SLC29A3: variants seen among roughly 807,000 people sequenced by gnomAD.
SLC29A3 encodes the protein equilibrative nucleoside transporter 3.
A neutral mutation model predicts 25.4 loss-of-function variants in SLC29A3; 18 were observed. The observed-to-expected ratio is 0.71, with a 90% CI of 0.49 to 1.05. The LOEUF (loss-of-function observed/expected upper bound fraction) is 1.05. SLC29A3 is among the 50% of genes least tolerant of loss of function. The pLI is 0.00. For synonymous variants in SLC29A3, 258 were observed against 267.1 expected (o/e 0.97, Z 0.33); for missense variants, 586 against 609.0 (o/e 0.96, Z 0.40).
chr10:71,337,523 C>T (rs539846614), intron 2 of SLC29A3, among the ~76,000 whole-genome samples: 92 of 152,372 alleles, frequency 6.0e-4, no homozygotes, highest in Admixed American at 1.1e-3. Flanking sequence ...CGCTTTTCCT[C>T]GCCCGCCCGG....
chr10:71,378,937 C>T (rs892357393), intron 4 of SLC29A3, among the ~76,000 whole-genome samples: 1 of 152,330 alleles, frequency 6.6e-6, no homozygotes, highest in African/African-American at 2.4e-5. Flanking sequence ...TCTAGAGAAA[C>T]ACCACCTTAG....
In SLC29A3 at chr10:71,362,032, T is replaced by G. The variant is rs374334663; in HGVS notation, c.852T>G (p.Pro284=). The G allele has an allele frequency of 1.2e-6, 2 of 1,614,042 alleles. No homozygotes were observed. Among genetic ancestry groups the G allele is most frequent in the African/African-American group, 1.3e-5 (1 of 74,900 alleles). Residue 284 remains proline (P), a synonymous_variant, in exon 6 of 6, where the codon CCT becomes CCG. Coordinates refer to ENST00000373189, the MANE Select transcript of SLC29A3 (RefSeq NM_018344.6). ...EELPQDSLSA[P]SVASRFIDSH... ...TTCCCCAGGACTCCCTCAGTGCCCC[T>G]TCGGTGGCCTCCAGATTCATTGATT... is the stretch of plus-strand genomic sequence containing the variant.
At chr10:71,361,881 G>C in intron 5 of SLC29A3, 73 bp from the exon 6 acceptor site, 3 of 1,582,218 alleles carry the variant, frequency 1.9e-6, no homozygotes, top group Non-Finnish European at 1.7e-6. Context: ...TCTGTTCTGA[G>C]TGCCCACCCC....
At chr10:71,358,355 C>T (rs531438576) in intron 5 of SLC29A3, among the ~76,000 whole-genome samples, 45 of 152,312 alleles carry the variant, frequency 3.0e-4, no homozygotes, top group Admixed American at 1.7e-3. Flanking sequence ...GATTCTTCAC[C>T]GCTTCAGCAG....
chr10:71,361,806 C>T, intron 5 of SLC29A3, 148 bp from the exon 6 acceptor site: 1 of 916,194 alleles, frequency 1.1e-6, no homozygotes, highest in Non-Finnish European at 1.7e-6. Context: ...CAGCATCTGT[C>T]ATCTCAGGGA....
chr10:71,333,578 C>A (rs187993067), intron 2 of SLC29A3, among the ~76,000 whole-genome samples: 1 of 152,392 alleles, frequency 6.6e-6, no homozygotes, highest in East Asian at 1.9e-4. Context: ...CTCCTCATTA[C>A]CACCAGGCCA....
chr10:71,331,836 G>T (rs944834935), intron 2 of SLC29A3, among the ~76,000 whole-genome samples: 2 of 152,216 alleles, frequency 1.3e-5, no homozygotes, highest in Admixed American at 1.3e-4. Flanking sequence ...TAATAAGAAG[G>T]GGGGTGGCAG....
chr10:71,335,868 A>G (rs1846236915), intron 2 of SLC29A3, among the ~76,000 whole-genome samples: 1 of 152,016 alleles, frequency 6.6e-6, no homozygotes, highest in African/African-American at 2.4e-5. Flanking sequence ...CCCCACCCTT[A>G]CAAAAGGAGG....
intron 2 of SLC29A3, 86 bp downstream of exon 2, chr10:71,323,140 A>C (rs1453774993): frequency 6.5e-7 from 1 of 1,536,734 alleles, no homozygotes; most frequent in Admixed American, 1.7e-5. Flanking sequence ...GATTTCAGAC[A>C]CATTTCCAGC....
chr10:71,337,303 C>T (rs1243986279), intron 2 of SLC29A3, among the ~76,000 whole-genome samples: 1 of 152,230 alleles, frequency 6.6e-6, no homozygotes, highest in Admixed American at 6.5e-5. Context: ...CTCTGCTCAC[C>T]TCATTTTGCT....
intron 2 of SLC29A3, among the ~76,000 whole-genome samples, chr10:71,334,705 G>A (rs12252326): frequency 0.24 from 36,433 of 151,894 alleles, 4,911 homozygotes; most frequent in Non-Finnish European, 0.31. Context: ...CCGTGATCCC[G>A]CAGTGCACCT....
chr10:71,363,115 A>C lies in SLC29A3; in HGVS notation c.*507A>C, dbSNP rs1847113347. 2.3e-6 allele frequency: 1 copy of C among 442,874 alleles called. No homozygotes were observed. The highest frequency in any genetic ancestry group is 2.0e-5 in the African/African-American group (1 of 49,682). 27.4% of individuals were successfully genotyped at this position (442,874 alleles called of 1,614,324 possible). On this transcript the variant is annotated 3_prime_UTR_variant, in exon 6 of 6. Coordinates refer to ENST00000373189, the MANE Select transcript of SLC29A3 (RefSeq NM_018344.6). ...TCAGGCCCAAGACTCAAGTGTGCAC[A>C]GACCCCTGTGTTCTGTGGGTGAACA...
chr10:71,331,259 G>A (rs1435681859), intron 2 of SLC29A3, among the ~76,000 whole-genome samples: 2 of 152,184 alleles, frequency 1.3e-5, no homozygotes, highest in African/African-American at 4.8e-5. Flanking sequence ...GTTTGACCTT[G>A]TGCAGGTTCA....
At chr10:71,327,065 A>C (rs1845988996) in intron 2 of SLC29A3, among the ~76,000 whole-genome samples, 1 of 152,036 alleles carries the variant, frequency 6.6e-6, no homozygotes, top group Admixed American at 6.5e-5. Context: ...GGGAGAGTCA[A>C]ATTGGCCTGT....
At chr10:71,366,971 G>A (rs180747910), downstream of SLC29A3, among the ~76,000 whole-genome samples, 6 of 152,274 alleles carry the variant, frequency 3.9e-5, no homozygotes, top group African/African-American at 7.2e-5. Context: ...CCTGGTTCCC[G>A]GTCTAGCTTT....
intron 4 of SLC29A3, 129 bp from the exon 5 acceptor site, chr10:71,355,952 A>G (rs561705829): frequency 9.7e-7 from 1 of 1,027,156 alleles, no homozygotes. Flanking sequence ...CAGGACACTG[A>G]GAGAGCTTTG....
intron 4 of SLC29A3, among the ~76,000 whole-genome samples, chr10:71,379,119 G>A (rs1238814863): frequency 6.6e-6 from 1 of 152,200 alleles, no homozygotes; most frequent in African/African-American, 2.4e-5. Context: ...AGGGTTTGGA[G>A]GATTTAAGTG....
At chr10:71,344,726 C>T (rs768002449) in intron 3 of SLC29A3, among the ~76,000 whole-genome samples, 3 of 152,192 alleles carry the variant, frequency 2.0e-5, no homozygotes, top group African/African-American at 7.2e-5. Context: ...GTAAGGGCCA[C>T]GAGAGGCTCC....
At chr10:71,370,467 C>T (rs115792808) in intron 3 of SLC29A3, among the ~76,000 whole-genome samples, 1,523 of 152,272 alleles carry the variant, frequency 0.01, 31 homozygotes, top group African/African-American at 0.034. Flanking sequence ...ATTTAAGTTC[C>T]GGAGGCCCAA....
Sources: gnomAD v4.1 joint callset for allele counts (sites outside exome capture counted in the v4.1 genomes callset) on GRCh38, gnomAD v4.1.1 for gene constraint, MANE v1.5 for transcripts, NCBI Gene and HGNC (gene_info 2026-07-23, HGNC 2026-07-21) for gene names.